SLC25A40: variants seen among roughly 807,000 people sequenced by gnomAD.
The protein encoded by SLC25A40 is mitochondrial glutathione transporter SLC25A40.
A neutral mutation model predicts 46.5 loss-of-function variants in SLC25A40; 41 were observed. The observed-to-expected ratio is 0.88, with a 90% confidence interval of 0.69 to 1.14. The LOEUF (loss-of-function observed/expected upper bound fraction) is 1.14, where lower values mean the gene tolerates loss of function less well. Among genes scored for constraint, SLC25A40 ranks in the 50% most tolerant of loss-of-function variants. SLC25A40 has a pLI of 0.00. For synonymous variants in SLC25A40, 126 were observed against 127.5 expected, an observed-to-expected ratio of 0.99 and a Z score of 0.08; for missense variants, 386 against 393.6, an observed-to-expected ratio of 0.98 and a Z score of 0.16.
rs761851248 is a variant in SLC25A40 at position 87,843,745 on chromosome 7, T to A, written c.741+9A>T. 2 of 1,576,250 alleles carry A rather than the reference T, an allele frequency of 1.3e-6. No individual in the cohort carries two copies. Among genetic ancestry groups the A allele is most frequent in the East Asian group, 4.5e-5 (2 of 44,440 alleles). ...TTCTGGAATATTAACAACAAAAGAA[T>A]AAACTTACAGAACCAGACAATGCCC... On this transcript the variant is annotated intron_variant, in intron 9 of 11. Transcript: ENST00000341119.
chr7:87,846,848 A>G, intron 8 of SLC25A40, 101 bp downstream of exon 8: 1 of 975,312 alleles, frequency 1.0e-6, no homozygotes, highest in Non-Finnish European at 1.4e-6. Context: ...ATAGAAAATA[A>G]CTTACCTTTA....
intron 8 of SLC25A40, among the ~76,000 whole-genome samples, chr7:87,845,453 G>A (rs1159363227): frequency 6.6e-6 from 1 of 152,172 alleles, no homozygotes; most frequent in Non-Finnish European, 1.5e-5. Context: ...CTGCGCATGT[G>A]AGGGATCTGG....
chr7:87,854,926 G>A (rs1005175216), intron 4 of SLC25A40, among the ~76,000 whole-genome samples: 9 of 152,060 alleles, frequency 5.9e-5, no homozygotes, highest in Non-Finnish European at 1.3e-4. Flanking sequence ...ACTTTGGGAG[G>A]CCAAGGCCAG....
At chr7:87,865,442 A>G (rs1838777591) in intron 1 of SLC25A40, among the ~76,000 whole-genome samples, 1 of 152,222 alleles carries the variant, frequency 6.6e-6, no homozygotes, top group Non-Finnish European at 1.5e-5. Flanking sequence ...TACTAGAGTT[A>G]TGAGTGAATT....
chr7:87,839,487 T>C (rs955028436), intron 10 of SLC25A40, among the ~76,000 whole-genome samples: 1 of 151,262 alleles, frequency 6.6e-6, no homozygotes, highest in African/African-American at 2.4e-5. Flanking sequence ...ATATTAAATG[T>C]GTTCAGAGAA....
intron 8 of SLC25A40, among the ~76,000 whole-genome samples, chr7:87,846,564 G>A (rs1469586979): frequency 6.6e-6 from 1 of 152,068 alleles, no homozygotes; most frequent in Non-Finnish European, 1.5e-5. Context: ...GAAAAAGTAG[G>A]AGCCCATATA....
rs1838221837 is a variant in SLC25A40 at position 87,833,700 on chromosome 7, A to G, written c.*2549T>C. The G allele has an allele frequency of 6.6e-6, 1 of 151,908 alleles. No individual in the cohort carries two copies. 9.4% of individuals were successfully genotyped at this position (151,908 alleles called of 1,614,324 possible). ...GGGAAGAATTTAAGTTTAGGGGTAC[A>G]TATGCAGGTTTGTTACACAGGTAAA... On this transcript the variant is annotated 3_prime_UTR_variant, in exon 12 of 12. Transcript: ENST00000341119.
intron 4 of SLC25A40, among the ~76,000 whole-genome samples, 192 bp from the exon 5 acceptor site, chr7:87,854,502 T>C (rs1043147463): frequency 5.3e-5 from 8 of 152,210 alleles, no homozygotes; most frequent in Non-Finnish European, 7.3e-5. Flanking sequence ...TTAATGCTAC[T>C]GCAATGCATT....
At chr7:87,869,578 T>G (rs1210121571) in intron 1 of SLC25A40, among the ~76,000 whole-genome samples, 3 of 152,052 alleles carry the variant, frequency 2.0e-5, no homozygotes, top group African/African-American at 2.4e-5. Context: ...CCCTTTATTC[T>G]ATTTCAGTTC....
Position 87,841,892 on chromosome 7 carries a change from C to A in SLC25A40, c.742-178G>T, listed in dbSNP as rs980785646. ...AAAGCAAATAGATATGTATTTCTCA[C>A]TATACTCAAAAGTAAAAAGCCTCAG... On this transcript the variant is annotated intron_variant, in intron 9 of 11. Coordinates refer to ENST00000341119, the MANE Select transcript of SLC25A40 (RefSeq NM_018843.4). 8.8e-6 allele frequency: 3 copies of A among 342,670 alleles called. No individual in the cohort carries two copies. In the East Asian group the frequency reaches 1.7e-4, roughly 19 times the overall value. 21.2% of individuals were successfully genotyped at this position (342,670 alleles called of 1,614,324 possible).
chr7:87,851,007 G>C (rs1838498858), intron 5 of SLC25A40, among the ~76,000 whole-genome samples: 2 of 152,152 alleles, frequency 1.3e-5, no homozygotes, highest in Admixed American at 6.5e-5. Context: ...CAGTTTCTCA[G>C]AAGGTTAAAC....
intron 1 of SLC25A40, among the ~76,000 whole-genome samples, chr7:87,872,385 C>T (rs1406635471): frequency 6.6e-6 from 1 of 151,944 alleles, no homozygotes; most frequent in African/African-American, 2.4e-5. Flanking sequence ...AAAATAAAAA[C>T]CAATAAAATT....
chr7:87,875,887 T>A (rs1415387094), intron 1 of SLC25A40, among the ~76,000 whole-genome samples: 1 of 152,180 alleles, frequency 6.6e-6, no homozygotes, highest in Non-Finnish European at 1.5e-5. Context: ...CCTCTGCAGC[T>A]GTCCTCAGCC....
rs1367974154 is a variant in SLC25A40 at position 87,835,478 on chromosome 7, A to C, written c.*771T>G. On this transcript the variant is annotated 3_prime_UTR_variant, in exon 12 of 12. Transcript: ENST00000341119. ...TGTGCAAACTATTTTTACCAGTCTA[A>C]ATACTATATGGTTTACCACTGAACA... 6.6e-6 allele frequency: 1 copy of C among 151,596 alleles called. No homozygotes were observed. The highest frequency in any genetic ancestry group is 1.5e-5 in the Non-Finnish European group (1 of 67,694). The allele number at this position is 151,596 out of a possible 1,614,324, so 9.4% of individuals were successfully genotyped here.
At chr7:87,863,142 T>C (rs1269016459) in intron 1 of SLC25A40, among the ~76,000 whole-genome samples, 1 of 152,234 alleles carries the variant, frequency 6.6e-6, no homozygotes, top group Non-Finnish European at 1.5e-5. Flanking sequence ...AAGGCATGTA[T>C]ACTTTCCTTA....
chr7:87,852,169 T>C (rs1838523241), intron 5 of SLC25A40, among the ~76,000 whole-genome samples: 1 of 152,182 alleles, frequency 6.6e-6, no homozygotes, highest in Admixed American at 6.5e-5. Flanking sequence ...ACAAGTTGAA[T>C]GCCATTCCAA....
chr7:87,853,199 G>T (rs528965523), intron 5 of SLC25A40, among the ~76,000 whole-genome samples: 2 of 152,122 alleles, frequency 1.3e-5, no homozygotes, highest in Non-Finnish European at 2.9e-5. Context: ...CCTTTTTACT[G>T]AAGAGGGAAA....
chr7:87,840,399 G>A (rs181240150), intron 10 of SLC25A40, among the ~76,000 whole-genome samples: 2 of 151,824 alleles, frequency 1.3e-5, no homozygotes, highest in Admixed American at 1.3e-4. Flanking sequence ...CCAATGATTA[G>A]TTACCAACGT....
At chr7:87,870,512 C>T (rs1319362423) in intron 1 of SLC25A40, among the ~76,000 whole-genome samples, 1 of 152,128 alleles carries the variant, frequency 6.6e-6, no homozygotes, top group East Asian at 1.9e-4. Context: ...ACCCTCAAGC[C>T]TGGAATTGCA....
Sources: gnomAD v4.1 joint callset for allele counts (sites outside exome capture counted in the v4.1 genomes callset) on GRCh38, gnomAD v4.1.1 for gene constraint, MANE v1.5 for transcripts, NCBI Gene and HGNC (gene_info 2026-07-23, HGNC 2026-07-21) for gene names.